The following RGS10 variants were observed in gnomAD, a reference collection of about 807,000 sequenced individuals.
The protein encoded by RGS10 is regulator of G protein signaling 10, also known as regulator of G-protein signalling 10.
RGS10 carries 11 observed loss-of-function variants against 23.5 expected under a neutral mutation model. The ratio of observed to expected loss-of-function variants is 0.47; its 90% confidence interval spans 0.29 to 0.77. The LOEUF is 0.77. Ranked by LOEUF, RGS10 falls within the 30% of genes least tolerant of loss-of-function variation. RGS10 has a pLI of 0.08. For missense variants in RGS10, 180 were observed against 226.3 expected (o/e 0.80, Z 1.31); for synonymous variants, 77 against 83.2 (o/e 0.92, Z 0.41).
intron 1 of RGS10, among the ~76,000 whole-genome samples, chr10:119,536,694 T>TA (rs779135360): frequency 1.5e-4 from 23 of 152,188 alleles, no homozygotes; most frequent in Non-Finnish European, 3.1e-4. Context: ...CTGTTATTTG[T>TA]AGCCTCCCTA....
intron 3 of RGS10, among the ~76,000 whole-genome samples, chr10:119,522,611 A>C (rs1183917322): frequency 6.6e-6 from 1 of 151,728 alleles, no homozygotes; most frequent in Non-Finnish European, 1.5e-5. Flanking sequence ...CCAGCTACTC[A>C]GTAGGCTGAG....
intron 4 of RGS10, among the ~76,000 whole-genome samples, chr10:119,510,165 G>GCT (rs1844061586): frequency 6.6e-6 from 1 of 152,138 alleles, no homozygotes; most frequent in Non-Finnish European, 1.5e-5. Context: ...GGCTGTAAGA[G>GCT]GTCCAAGCCT....
chr10:119,514,832 T>C lies in RGS10; in HGVS notation c.399+677A>G, dbSNP rs535617332. On this transcript the variant is annotated intron_variant, in intron 4 of 4. Coordinates refer to ENST00000369103, the MANE Select transcript of RGS10 (RefSeq NM_001005339.2). ...ATTCTGAGGTCCAGGGTGGGGTCGA[T>C]ATCCTCATATGGCTACAGTCACAAA... is the stretch of plus-strand genomic sequence containing the variant. 7.9e-5 allele frequency among the ~76,000 whole-genome samples: 12 copies of C among 152,238 alleles called. No individual in the cohort carries two copies. The East Asian group carries it at 2.3e-3, about 29-fold the overall frequency.
chr10:119,515,783 C>T, intron 3 of RGS10, 131 bp from the exon 4 acceptor site: 6 of 1,032,000 alleles, frequency 5.8e-6, no homozygotes, highest in Non-Finnish European at 8.3e-6. Flanking sequence ...AGCCCAGGGG[C>T]TCTCAGGCCA....
chr10:119,503,296 C>T (rs1264445783), intron 4 of RGS10, among the ~76,000 whole-genome samples: 1 of 150,766 alleles, frequency 6.6e-6, no homozygotes, highest in Non-Finnish European at 1.5e-5. Flanking sequence ...GCTAAGATCA[C>T]GCCACTGCAC....
At chr10:119,523,751 T>G (rs945984632) in intron 3 of RGS10, among the ~76,000 whole-genome samples, 2 of 152,160 alleles carry the variant, frequency 1.3e-5, no homozygotes, top group Admixed American at 1.3e-4. Flanking sequence ...CTGTAGGATG[T>G]GGACAGGGCA....
At chr10:119,509,280 C>T (rs1844050006) in intron 4 of RGS10, among the ~76,000 whole-genome samples, 2 of 152,166 alleles carry the variant, frequency 1.3e-5, no homozygotes, top group South Asian at 4.2e-4. Context: ...CACAATCTCA[C>T]AGTAACTAAA....
At chr10:119,520,497 G>A (rs764352178) in intron 3 of RGS10, among the ~76,000 whole-genome samples, 2 of 152,114 alleles carry the variant, frequency 1.3e-5, no homozygotes, top group Non-Finnish European at 2.9e-5. Flanking sequence ...TGGCTCCCCC[G>A]CCACCTTCAA....
chr10:119,517,034 C>A lies in RGS10; in HGVS notation c.256-1382G>T, dbSNP rs1844152127. Among the ~76,000 whole-genome samples the A allele has an allele frequency of 6.6e-6, 1 of 152,232 alleles. No homozygotes were observed. Among genetic ancestry groups the A allele is most frequent in the South Asian group, 2.1e-4 (1 of 4,834 alleles). On this transcript the variant is annotated intron_variant, in intron 3 of 4. Coordinates refer to ENST00000369103, the MANE Select transcript of RGS10 (RefSeq NM_001005339.2). This position sits in a 1 kb window ranked among gnomAD's most constrained non-coding sequence, Gnocchi z 5.0. ...GTGGGGGGCCTGGAAAACTGCCTTT[C>A]TCTCCAAGAGCCCAACTGGGGCTCC...
At chr10:119,533,731 G>A (rs191459579) in intron 1 of RGS10, among the ~76,000 whole-genome samples, 66 of 152,288 alleles carry the variant, frequency 4.3e-4, no homozygotes, top group Non-Finnish European at 6.2e-4. Context: ...ACCTGCTTGT[G>A]ATATTTGTTT....
chr10:119,513,673 C>T (rs930226582), intron 4 of RGS10, among the ~76,000 whole-genome samples: 2 of 152,162 alleles, frequency 1.3e-5, no homozygotes, highest in African/African-American at 2.4e-5. Flanking sequence ...AGTGCTACCG[C>T]ATGGAGTCAG....
At chr10:119,520,653 T>TTC (rs1030752950) in intron 3 of RGS10, among the ~76,000 whole-genome samples, 1 of 151,796 alleles carries the variant, frequency 6.6e-6, no homozygotes, top group African/African-American at 2.4e-5. Context: ...GCCAGCAAAA[T>TTC]TCTCCTGACA....
intron 4 of RGS10, 159 bp downstream of exon 4, chr10:119,515,350 C>T: frequency 2.5e-6 from 2 of 797,656 alleles, no homozygotes; most frequent in Non-Finnish European, 4.0e-6. Flanking sequence ...AATTCTGGTC[C>T]CCACTCTCCC....
At chr10:119,537,169 G>C (rs904772626) in intron 1 of RGS10, among the ~76,000 whole-genome samples, 2 of 151,946 alleles carry the variant, frequency 1.3e-5, no homozygotes, top group East Asian at 3.9e-4. Context: ...GAGGCGGGCA[G>C]ATCACCTGAG....
chr10:119,520,343 G>A (rs1418165832), intron 3 of RGS10, among the ~76,000 whole-genome samples: 1 of 152,178 alleles, frequency 6.6e-6, no homozygotes, highest in African/African-American at 2.4e-5. Flanking sequence ...GTGGGGAGGG[G>A]GTGCCAACGA....
At chr10:119,521,413 A>G (rs1844210858) in intron 3 of RGS10, among the ~76,000 whole-genome samples, 1 of 151,998 alleles carries the variant, frequency 6.6e-6, no homozygotes, top group African/African-American at 2.4e-5. Flanking sequence ...TCTACTAAAA[A>G]TACAAAATTA....
At chr10:119,542,538 C>G (rs1844445287) in intron 1 of RGS10, 52 bp downstream of exon 1, 3 of 1,354,548 alleles carry the variant, frequency 2.2e-6, no homozygotes, top group Non-Finnish European at 2.8e-6. Context: ...GGAGGCCGGG[C>G]GGGCGAAACG....
chr10:119,536,753 A>G (rs1417012465), intron 1 of RGS10, among the ~76,000 whole-genome samples: 1 of 152,192 alleles, frequency 6.6e-6, no homozygotes, highest in Non-Finnish European at 1.5e-5. Context: ...ATGGCCCAGC[A>G]GCCCTAGCCC....
intron 1 of RGS10, among the ~76,000 whole-genome samples, chr10:119,532,125 A>T (rs1023982156): frequency 6.6e-6 from 1 of 152,098 alleles, no homozygotes; most frequent in African/African-American, 2.4e-5. Flanking sequence ...TTTCCCCAAA[A>T]ATGTTGGTTT....
Sources: allele counts gnomAD v4.1 joint callset (sites outside exome capture counted in the v4.1 genomes callset), GRCh38; gene constraint gnomAD v4.1.1; non-coding constraint Gnocchi (gnomAD v3.1); transcripts MANE v1.5; gene names NCBI Gene and HGNC (gene_info 2026-07-23, HGNC 2026-07-21).